The following GSG1L variants were observed in gnomAD, a reference collection of about 807,000 sequenced individuals.
GSG1L encodes germ cell-specific gene 1-like protein.
A neutral mutation model predicts 42.1 loss-of-function variants in GSG1L; 24 were observed. The ratio of observed to expected loss-of-function variants is 0.57; its 90% confidence interval spans 0.41 to 0.80. GSG1L has a LOEUF of 0.80. GSG1L is among the 30% of genes least tolerant of loss of function. GSG1L has a pLI of 0.00. For synonymous variants in GSG1L, 215 were observed against 203.5 expected (o/e 1.06, Z -0.48); for missense variants, 445 against 472.2 (o/e 0.94, Z 0.53).
intron 2 of GSG1L, among the ~76,000 whole-genome samples, chr16:27,886,645 G>A (rs12922917): frequency 0.062 from 9,466 of 152,286 alleles, 360 homozygotes; most frequent in Middle Eastern, 0.095. Context: ...GGCTCTTGAC[G>A]AGGTCAAGGC....
At chr16:27,904,893 G>A (rs542554575) in intron 2 of GSG1L, among the ~76,000 whole-genome samples, 2 of 152,334 alleles carry the variant, frequency 1.3e-5, no homozygotes, top group Admixed American at 6.5e-5. Flanking sequence ...GTCACATTCA[G>A]GGATGGTCAC....
chr16:27,929,322 C>T (rs1287341280), intron 2 of GSG1L, among the ~76,000 whole-genome samples: 1 of 152,124 alleles, frequency 6.6e-6, no homozygotes, highest in Non-Finnish European at 1.5e-5. Context: ...TGCTCCTAGA[C>T]CCGGGGATGG....
At chr16:27,942,087 G>A (rs1433676300) in intron 2 of GSG1L, among the ~76,000 whole-genome samples, 3 of 151,196 alleles carry the variant, frequency 2.0e-5, no homozygotes. Flanking sequence ...CTTAAAAATG[G>A]TTAAAATGGT....
At chr16:27,856,791 G>A (rs909734657) in intron 3 of GSG1L, among the ~76,000 whole-genome samples, 1 of 152,214 alleles carries the variant, frequency 6.6e-6, no homozygotes, top group African/African-American at 2.4e-5. Context: ...CTTGGGCATC[G>A]GATGTGGCAA....
intron 3 of GSG1L, among the ~76,000 whole-genome samples, chr16:27,872,888 C>T (rs747145241): frequency 6.6e-6 from 1 of 152,156 alleles, no homozygotes; most frequent in Non-Finnish European, 1.5e-5. Context: ...AATAATCCTC[C>T]CCTTGGTTTG....
At position 27,807,524 on chromosome 16, in the gene GSG1L, G is replaced by T; in HGVS notation, c.861C>A (p.Asp287Glu). The part of the protein sequence containing the change: ...RMEKRDGSEE[D>E]FHLDCRHERY... The stretch of plus-strand genomic sequence containing the variant: ...TCTCGTGGCGGCAGTCTAAGTGAAA[G>T]TCCTCCTCGCTCCCGTCCCTCTTCT... Residue 287 changes from aspartate (D) to glutamate (E), a missense_variant, in exon 6 of 7, where the codon GAC (aspartate) becomes GAA (glutamate). By Grantham distance (45) the Asp-to-Glu change is conservative (BLOSUM62 2). Coordinates refer to ENST00000447459, the MANE Select transcript of GSG1L (RefSeq NM_001109763.2). 1 of 1,612,818 alleles carries T rather than the reference G, an allele frequency of 6.2e-7. No homozygotes were observed. Among genetic ancestry groups the T allele is most frequent in the Middle Eastern group, 1.6e-4 (1 of 6,062 alleles).
intron 1 of GSG1L, among the ~76,000 whole-genome samples, chr16:27,967,740 C>T (rs779947285): frequency 2.0e-5 from 3 of 152,146 alleles, no homozygotes; most frequent in Non-Finnish European, 4.4e-5. Flanking sequence ...CGGAGAAACC[C>T]CATCTCTGAT....
At chr16:28,051,872 T>C (rs7201875) in intron 1 of GSG1L, among the ~76,000 whole-genome samples, 53,233 of 151,996 alleles carry the variant, frequency 0.35, 9,612 homozygotes, top group Middle Eastern at 0.39. Context: ...GCAGAGGGAC[T>C]CCAGCAGTAT....
intron 1 of GSG1L, among the ~76,000 whole-genome samples, chr16:27,992,949 T>C (rs1437504282): frequency 6.6e-6 from 1 of 152,174 alleles, no homozygotes; most frequent in African/African-American, 2.4e-5. Context: ...CTACAGAAAA[T>C]AATAACAGCT....
chr16:27,998,109 G>A (rs113144012), intron 1 of GSG1L, among the ~76,000 whole-genome samples: 9,481 of 151,792 alleles, frequency 0.062, 991 homozygotes, highest in African/African-American at 0.21. Flanking sequence ...CACCCACCTC[G>A]GCCACCCAAA....
chr16:27,825,388 G>C (rs76371054), intron 5 of GSG1L, among the ~76,000 whole-genome samples: 2,917 of 152,228 alleles, frequency 0.019, 92 homozygotes, highest in African/African-American at 0.065. Context: ...AATAGAAATG[G>C]TGCCAGGCAT....
At chr16:28,062,880 C>A (rs960612420) in intron 1 of GSG1L, among the ~76,000 whole-genome samples, 196 bp downstream of exon 1, 2 of 152,186 alleles carry the variant, frequency 1.3e-5, no homozygotes, top group African/African-American at 4.8e-5. Context: ...GCGTCCCGCA[C>A]GTCCCCCCAT....
chr16:27,893,098 G>T (rs1171553163), intron 2 of GSG1L, among the ~76,000 whole-genome samples: 1 of 152,162 alleles, frequency 6.6e-6, no homozygotes, highest in East Asian at 1.9e-4. Context: ...CGAAACTTGC[G>T]CTAATGGTTC....
chr16:27,955,295 G>A (rs185604426), intron 2 of GSG1L, among the ~76,000 whole-genome samples: 1 of 151,956 alleles, frequency 6.6e-6, no homozygotes, highest in Admixed American at 6.6e-5. Context: ...ACAAGAAAAA[G>A]CTCTTAAAAT....
At chr16:27,813,852 G>C (rs1167877434) in intron 5 of GSG1L, among the ~76,000 whole-genome samples, 1 of 152,208 alleles carries the variant, frequency 6.6e-6, no homozygotes, top group East Asian at 1.9e-4. Flanking sequence ...AATCATGGTT[G>C]AGCTCAGCTC....
At chr16:27,899,632 G>T (rs1826736805) in intron 2 of GSG1L, among the ~76,000 whole-genome samples, 1 of 152,214 alleles carries the variant, frequency 6.6e-6, no homozygotes, top group African/African-American at 2.4e-5. Flanking sequence ...CAGGAGAATT[G>T]CTTGAGCTCG....
chr16:27,913,944 A>G (rs1471474355), intron 2 of GSG1L, among the ~76,000 whole-genome samples: 4 of 152,058 alleles, frequency 2.6e-5, no homozygotes, highest in Non-Finnish European at 5.9e-5. Flanking sequence ...ATATAAGGTC[A>G]CCACCAGCAA....
intron 2 of GSG1L, among the ~76,000 whole-genome samples, chr16:27,911,278 T>TCTCTCACTCTCTCTCTCTCC (rs2084386490): frequency 2.3e-5 from 3 of 132,760 alleles, no homozygotes; most frequent in Non-Finnish European, 5.1e-5. Context: ...TCTCTCTCTC[T>TCTCTCACTCTCTCTCTCTCC]CTCTCTCTCT....
intron 2 of GSG1L, among the ~76,000 whole-genome samples, chr16:27,926,350 T>C (rs1044747874): frequency 1.1e-4 from 17 of 152,080 alleles, no homozygotes; most frequent in African/African-American, 4.1e-4. Context: ...ATGGACAGTC[T>C]AGTGGGTGGA....
Sources: gnomAD v4.1 joint callset for allele counts (sites outside exome capture counted in the v4.1 genomes callset) on GRCh38, gnomAD v4.1.1 for gene constraint, MANE v1.5 for transcripts, NCBI Gene and HGNC (gene_info 2026-07-23, HGNC 2026-07-21) for gene names.